Variants in SLC44A1 observed in about 807,000 individuals in gnomAD.
SLC44A1 encodes the protein solute carrier family 44 member 1.
SLC44A1 carries 26 observed loss-of-function variants against 79.3 expected under a neutral mutation model. That is an observed-to-expected ratio of 0.33 (90% CI 0.24 to 0.46). SLC44A1 has a LOEUF of 0.46. SLC44A1 is among the 20% of genes least tolerant of loss of function. The probability of loss-of-function intolerance (pLI) is 1.00; values close to 1 mark genes in which losing one functional copy is unlikely to be tolerated. For missense variants in SLC44A1, 688 were observed against 798.1 expected (o/e 0.86, Z 1.66); for synonymous variants, 263 against 286.2 (o/e 0.92, Z 0.82).
At chr9:105,364,998 T>C (rs1357492931) in intron 10 of SLC44A1, among the ~76,000 whole-genome samples, 2 of 152,216 alleles carry the variant, frequency 1.3e-5, no homozygotes, top group African/African-American at 2.4e-5. Context: ...CTTATAGTGG[T>C]GCCATATGTA....
intron 2 of SLC44A1, chr9:105,299,978 C>T (rs1830834823): frequency 1.0e-6 from 1 of 980,156 alleles, no homozygotes; most frequent in African/African-American, 1.8e-5. Flanking sequence ...CTCACTCTGC[C>T]CTACAGGAGT....
intron 15 of SLC44A1, among the ~76,000 whole-genome samples, chr9:105,409,430 A>T (rs1016527353): frequency 6.6e-6 from 1 of 152,240 alleles, no homozygotes; most frequent in Non-Finnish European, 1.5e-5. Flanking sequence ...CACCCTTGTA[A>T]TCCCAACACT....
At chr9:105,361,617 CATAAG>C (rs1339371372) in intron 8 of SLC44A1, among the ~76,000 whole-genome samples, 2 of 152,136 alleles carry the variant, frequency 1.3e-5, no homozygotes, top group Non-Finnish European at 2.9e-5. Context: ...TTCTTATTGT[CATAAG>C]ATAATTACTT....
At chr9:105,334,473 C>T (rs530323478) in intron 3 of SLC44A1, among the ~76,000 whole-genome samples, 1 of 151,908 alleles carries the variant, frequency 6.6e-6, no homozygotes, top group Admixed American at 6.6e-5. Context: ...GGTTATATTT[C>T]CTGTTCCAGA....
chr9:105,245,265 T>G (rs1048082576), intron 1 of SLC44A1, among the ~76,000 whole-genome samples: 1 of 151,928 alleles, frequency 6.6e-6, no homozygotes, highest in African/African-American at 2.4e-5. Flanking sequence ...CCTTCCCTGT[T>G]CTTCCGGGCC....
At chr9:105,253,418 T>C (rs1403404224) in intron 1 of SLC44A1, among the ~76,000 whole-genome samples, 1 of 152,174 alleles carries the variant, frequency 6.6e-6, no homozygotes, top group Non-Finnish European at 1.5e-5. Flanking sequence ...GAACTACTTA[T>C]GATGTTACAG....
At chr9:105,260,445 G>C (rs561085048) in intron 1 of SLC44A1, among the ~76,000 whole-genome samples, 5 of 152,262 alleles carry the variant, frequency 3.3e-5, no homozygotes, top group Admixed American at 3.3e-4. Flanking sequence ...AGTGATTATG[G>C]TGAAACCAGA....
chr9:105,390,000 A>G lies in SLC44A1; in HGVS notation c.*944A>G. 7.0e-7 allele frequency: 1 copy of G among 1,431,780 alleles called. No individual in the cohort carries two copies. The highest frequency in any genetic ancestry group is 9.2e-7 in the Non-Finnish European group (1 of 1,092,574). 88.7% of individuals were successfully genotyped at this position (1,431,780 alleles called of 1,614,324 possible). On this transcript the variant is annotated 3_prime_UTR_variant, in exon 16 of 16. Coordinates refer to ENST00000374720, the MANE Select transcript of SLC44A1 (RefSeq NM_080546.5). ...TGGGCTTCGGCTTCAGAGTAACGTCAGTGGCTTAGGGTTAAACGGCCATTT... is the reference window on the plus strand; with the variant it reads ...TGGGCTTCGGCTTCAGAGTAACGTCGGTGGCTTAGGGTTAAACGGCCATTT...
chr9:105,421,795 G>C (rs1829254135), intron 15 of SLC44A1, among the ~76,000 whole-genome samples: 1 of 152,026 alleles, frequency 6.6e-6, no homozygotes, highest in African/African-American at 2.4e-5. Context: ...CACCGTGTTA[G>C]CCAGGATAGT....
chr9:105,381,743 C>A (rs10991645), intron 13 of SLC44A1, among the ~76,000 whole-genome samples: 3,813 of 152,226 alleles, frequency 0.025, 54 homozygotes, highest in Middle Eastern at 0.048. Context: ...AAAGCTTGGG[C>A]AGACCCAGAT....
intron 1 of SLC44A1, among the ~76,000 whole-genome samples, chr9:105,278,276 T>A (rs561624216): frequency 6.6e-6 from 1 of 151,704 alleles, no homozygotes; most frequent in East Asian, 1.9e-4. Flanking sequence ...TGAGATGTAG[T>A]CTCGCTCTGT....
At chr9:105,402,113 A>C (rs1828966450), downstream of SLC44A1, among the ~76,000 whole-genome samples, 1 of 152,236 alleles carries the variant, frequency 6.6e-6, no homozygotes, top group Non-Finnish European at 1.5e-5. Flanking sequence ...GTTTGCACCA[A>C]GAGGTGACCC....
intron 1 of SLC44A1, among the ~76,000 whole-genome samples, chr9:105,252,531 A>G (rs1222056657): frequency 6.6e-6 from 1 of 152,168 alleles, no homozygotes; most frequent in African/African-American, 2.4e-5. Context: ...GAAGGTATAC[A>G]TGTCACGTAT....
intron 15 of SLC44A1, 99 bp from the exon 16 acceptor site, chr9:105,388,933 TC>T (rs1286154706): frequency 2.3e-6 from 2 of 869,318 alleles, no homozygotes; most frequent in African/African-American, 3.3e-5. Context: ...CATTTTGCTG[TC>T]TTGCTGTTTG....
chr9:105,370,092 T>C (rs1449465966), intron 12 of SLC44A1, among the ~76,000 whole-genome samples: 1 of 152,242 alleles, frequency 6.6e-6, no homozygotes, highest in Non-Finnish European at 1.5e-5. Context: ...TAAGGAAGGC[T>C]GTCTGAGAAG....
At chr9:105,276,583 TG>T in intron 1 of SLC44A1, among the ~76,000 whole-genome samples, 1 of 147,008 alleles carries the variant, frequency 6.8e-6, no homozygotes, top group African/African-American at 2.6e-5. Flanking sequence ...TGTGTGTGTG[TG>T]TGTGTGTGTG....
intron 1 of SLC44A1, among the ~76,000 whole-genome samples, chr9:105,276,604 GTGTGTGTGTGTGTGTA>G (rs1217474124): frequency 4.7e-4 from 70 of 150,344 alleles, no homozygotes; most frequent in African/African-American, 1.7e-3. Flanking sequence ...GTGTGTGTGT[GTGTGTGTGTGTGTGTA>G]TGTGCCTGCA....
intron 4 of SLC44A1, among the ~76,000 whole-genome samples, chr9:105,337,639 A>G (rs1300313727): frequency 6.6e-6 from 1 of 152,204 alleles, no homozygotes; most frequent in African/African-American, 2.4e-5. Context: ...TGTATGTCTT[A>G]TGCTATCATT....
At chr9:105,419,361 GA>G (rs1368489796) in intron 15 of SLC44A1, among the ~76,000 whole-genome samples, 1 of 152,204 alleles carries the variant, frequency 6.6e-6, no homozygotes, top group Non-Finnish European at 1.5e-5. Context: ...CACAGGATAA[GA>G]AAGGAGATTG....
Sources: gnomAD v4.1 joint callset for allele counts (sites outside exome capture counted in the v4.1 genomes callset) on GRCh38, gnomAD v4.1.1 for gene constraint, MANE v1.5 for transcripts, NCBI Gene and HGNC (gene_info 2026-07-23, HGNC 2026-07-21) for gene names.